The following HADHA variants were observed in gnomAD, a reference collection of about 807,000 sequenced individuals.
HADHA encodes trifunctional enzyme subunit alpha, mitochondrial.
Under a neutral mutation model 91.3 loss-of-function variants are expected in HADHA, and 59 were observed. The observed-to-expected ratio is 0.65, with a 90% CI of 0.52 to 0.80. The LOEUF (loss-of-function observed/expected upper bound fraction) is 0.80. Among genes scored for constraint, HADHA ranks in the 30% least tolerant of loss-of-function variants. The pLI is 0.00. For synonymous variants in HADHA, 320 were observed against 338.9 expected (o/e 0.94, Z 0.61); for missense variants, 800 against 927.6 (o/e 0.86, Z 1.79).
chr2:26,191,620 T>C lies in HADHA; in HGVS notation c.2009A>G (p.Asp670Gly), dbSNP rs759778780. 9 of 1,613,948 alleles carry C rather than the reference T, an allele frequency of 5.6e-6. No individual in the cohort carries two copies. In the East Asian group the frequency reaches 1.8e-4, roughly 32 times the overall value. Residue 670 changes from aspartate (D) to glycine (G), a missense_variant, in exon 19 of 20, where the codon GAC (aspartate) becomes GGC (glycine). Transcript: ENST00000380649. ...KLPPKSEVSSDEDIQFRLVTR... is the reference protein window; with the variant it reads ...KLPPKSEVSSGEDIQFRLVTR... The stretch of plus-strand genomic sequence containing the variant: ...CACCAGGCGGAACTGGATGTCTTCG[T>C]CTGATGAGCTGCCAACAGAAAGAGA...
At chr2:26,241,559 G>A (rs1200486974) in intron 1 of HADHA, among the ~76,000 whole-genome samples, 1 of 152,016 alleles carries the variant, frequency 6.6e-6, no homozygotes, top group Non-Finnish European at 1.5e-5. Flanking sequence ...GCTGAGACAG[G>A]AGAATCACTT....
intron 11 of HADHA, among the ~76,000 whole-genome samples, chr2:26,209,053 G>A (rs913777305): frequency 2.0e-5 from 3 of 152,104 alleles, no homozygotes; most frequent in East Asian, 1.9e-4. Context: ...CTGACATTTC[G>A]AACTGGATAT....
rs752628414 is a variant in HADHA, at chr2:26,211,283, A to G, written c.975+1287T>C. Among the ~76,000 whole-genome samples, 6 of 152,058 alleles carry G rather than the reference A, an allele frequency of 3.9e-5. No individual in the cohort carries two copies. The South Asian group carries it at 8.3e-4, about 21-fold the overall frequency. On this transcript the variant is annotated intron_variant, in intron 10 of 19. Coordinates refer to ENST00000380649, the MANE Select transcript of HADHA (RefSeq NM_000182.5). The stretch of plus-strand genomic sequence containing the variant: ...ATTTTTAAAAAATCAGAAATGCCCA[A>G]TGAGACATCTAGTACCAGAAGTGTT...
At chr2:26,192,844 C>T (rs1669549935) in intron 17 of HADHA, among the ~76,000 whole-genome samples, 1 of 152,210 alleles carries the variant, frequency 6.6e-6, no homozygotes, top group South Asian at 2.1e-4. Context: ...GTATGTCTAG[C>T]TAACCCTAGC....
intron 10 of HADHA, 26 bp from the exon 11 acceptor site, chr2:26,209,915 A>C (rs765809862): frequency 2.6e-6 from 3 of 1,153,344 alleles, no homozygotes; most frequent in East Asian, 4.7e-5. Flanking sequence ...GAATGAGAAA[A>C]GGTAGAACTT....
intron 1 of HADHA, among the ~76,000 whole-genome samples, chr2:26,239,544 G>A (rs1319206217): frequency 3.3e-5 from 5 of 152,134 alleles, no homozygotes; most frequent in African/African-American, 1.2e-4. Context: ...AGAGGCACAT[G>A]GGAACTACTG....
Position 26,234,330 on chromosome 2 carries a change from G to C in HADHA, c.340C>G (p.Gln114Glu). 6.2e-7 allele frequency: 1 copy of C among 1,613,258 alleles called. No homozygotes were observed. The highest frequency in any genetic ancestry group is 8.5e-7 in the Non-Finnish European group (1 of 1,179,204). Residue 114 changes from glutamine (Q) to glutamate (E), a missense_variant, in exon 5 of 20, where the codon CAA becomes GAA. Physicochemically the swap from Gln to Glu is conservative, Grantham distance 29 (BLOSUM62 2). Coordinates refer to ENST00000380649, the MANE Select transcript of HADHA (RefSeq NM_000182.5). ...INMLAACKTL[Q>E]EVTQLSQEAQ... ...TCTTGTGATAGCTGTGTTACTTCTT[G>C]AAGGGTCTTGCAAGCGGCTAACATG...
chr2:26,194,960 G>A lies in HADHA; in HGVS notation c.1620+132C>T, dbSNP rs17593512. ...ACAGTCAATACCACCGTCCATCCTG[G>A]AGACAACCCAGGGGAAAATCATATC... On this transcript the variant is annotated intron_variant, in intron 15 of 19. Coordinates refer to ENST00000380649, the MANE Select transcript of HADHA (RefSeq NM_000182.5). 0.094 allele frequency: 80,936 copies of A among 861,958 alleles called. 4,778 individuals are homozygous for A. Among genetic ancestry groups the A allele is most frequent in the Non-Finnish European group, 0.12 (60,732 of 502,694 alleles). The allele number at this position is 861,958 out of a possible 1,614,324, so 53.4% of individuals were successfully genotyped here.
chr2:26,218,299 CA>C (rs35868710), intron 7 of HADHA, among the ~76,000 whole-genome samples: 14 of 146,494 alleles, frequency 9.6e-5, no homozygotes, highest in Admixed American at 2.0e-4. Flanking sequence ...GACTCTGTCT[CA>C]AAAAAAAAAA....
chr2:26,224,822 A>G (rs971764720), intron 7 of HADHA, among the ~76,000 whole-genome samples: 1 of 152,216 alleles, frequency 6.6e-6, no homozygotes, highest in Non-Finnish European at 1.5e-5. Context: ...TTCAATAAAC[A>G]TTAACCTAGA....
chr2:26,193,366 C>T (rs779195946), intron 17 of HADHA, among the ~76,000 whole-genome samples: 16 of 144,030 alleles, frequency 1.1e-4, no homozygotes, highest in East Asian at 1.0e-3. Context: ...TGGGCTCAAG[C>T]GATCCTCCCA....
At chr2:26,220,297 G>A (rs1452940524) in intron 7 of HADHA, among the ~76,000 whole-genome samples, 1 of 152,188 alleles carries the variant, frequency 6.6e-6, no homozygotes, top group Non-Finnish European at 1.5e-5. Flanking sequence ...ACTCAGCAAT[G>A]AGTAATATCA....
At chr2:26,231,733 G>C (rs1670627779) in intron 6 of HADHA, among the ~76,000 whole-genome samples, 1 of 152,098 alleles carries the variant, frequency 6.6e-6, no homozygotes, top group South Asian at 2.1e-4. Flanking sequence ...TTGGGAGGCT[G>C]AGGCGGGAGG....
chr2:26,241,790 T>G (rs571249166), intron 1 of HADHA, among the ~76,000 whole-genome samples: 12 of 152,374 alleles, frequency 7.9e-5, no homozygotes, highest in Middle Eastern at 3.4e-3. Context: ...AGATTTAGGA[T>G]AGGAGTGGGA....
chr2:26,230,733 C>T (rs1489485126), intron 6 of HADHA, among the ~76,000 whole-genome samples: 2 of 151,766 alleles, frequency 1.3e-5, no homozygotes, highest in Non-Finnish European at 2.9e-5. Context: ...CAGCCTGGCC[C>T]GACATGGTGA....
intron 13 of HADHA, among the ~76,000 whole-genome samples, chr2:26,199,815 T>C (rs533091256): frequency 1.3e-5 from 2 of 152,122 alleles, no homozygotes; most frequent in South Asian, 2.1e-4. Flanking sequence ...TACAAAGAAG[T>C]TGTGGTGAGA....
intron 6 of HADHA, 57 bp from the exon 7 acceptor site, chr2:26,230,351 A>G (rs1479784320): frequency 2.7e-5 from 27 of 995,326 alleles, no homozygotes; most frequent in South Asian, 1.3e-5. Context: ...TGATAATTAT[A>G]TAGTTTACAA....
chr2:26,217,063 C>T (rs940193823), intron 7 of HADHA, among the ~76,000 whole-genome samples: 5 of 151,794 alleles, frequency 3.3e-5, no homozygotes, highest in Admixed American at 6.6e-5. Context: ...GAAAACAGGA[C>T]GATAATGAAG....
rs747736407 is a variant in HADHA at position 26,191,313 on chromosome 2, C to T, written c.2229G>A (p.Gln743=). 1.2e-6 allele frequency: 2 copies of T among 1,613,846 alleles called. No homozygotes were observed. Among genetic ancestry groups the T allele is most frequent in the Admixed American group, 3.3e-5 (2 of 60,018 alleles). Residue 743 remains glutamine (Q), a synonymous_variant, in exon 20 of 20, where the codon CAG becomes CAA. Transcript: ENST00000380649. ...CAGCTAGCAGCTGGCATGGGGTGAA[C>T]TGTTTTCCATAGGCAGCTTCATATT... The part of the protein sequence containing the change: ...LKKYEAAYGK[Q]FTPCQLLADH...
Sources: allele counts gnomAD v4.1 joint callset (sites outside exome capture counted in the v4.1 genomes callset), GRCh38; gene constraint gnomAD v4.1.1; transcripts MANE v1.5; gene names NCBI Gene and HGNC (gene_info 2026-07-23, HGNC 2026-07-21).